Variants in PRKDC observed in about 807,000 individuals in gnomAD.
PRKDC encodes DNA-dependent protein kinase catalytic subunit.
In PRKDC, 82 loss-of-function variants were observed where a neutral mutation model predicts 486.9. The ratio of observed to expected loss-of-function variants is 0.17; its 90% CI spans 0.14 to 0.20. The LOEUF is 0.20. PRKDC is among the 10% of genes least tolerant of loss of function. The pLI is 1.00. For synonymous variants in PRKDC, 1,895 were observed against 1,837.0 expected, an observed-to-expected ratio of 1.03 and a Z score of -0.81; for missense variants, 4,504 against 5,038.2, an observed-to-expected ratio of 0.89 and a Z score of 3.21.
chr8:47,854,153 G>C lies in PRKDC; in HGVS notation c.6823C>G (p.Gln2275Glu), dbSNP rs765893792. The change falls in exon 51 of 86, where the codon CAA becomes GAA. Residue 2275 changes from glutamine to glutamate, a missense_variant. Gln to Glu is a conservative substitution (Grantham distance 29). This residue lies in a region of PRKDC where 1,592 missense variants were observed against 1,724.6 expected (regional missense o/e 0.92). Coordinates refer to ENST00000314191, the MANE Select transcript of PRKDC (RefSeq NM_006904.7). ...PNSKDNSVGIQLLGIVMANDL... is the reference protein window; with the variant it reads ...PNSKDNSVGIELLGIVMANDL... ...TTGGCCATCACGATGCCTAGCAATT[G>C]AATCCCTACTGAGTTGTCTTTAGAA... 3.7e-6 allele frequency: 6 copies of C among 1,613,698 alleles called. No individual in the cohort carries two copies. Among genetic ancestry groups the C allele is most frequent in the Non-Finnish European group, 5.1e-6 (6 of 1,179,600 alleles).
At position 47,849,642 on chromosome 8, in the gene PRKDC, G is replaced by A. The variant is rs1447587722; in HGVS notation, c.7006-139C>T. 6 of 976,066 alleles carry A rather than the reference G, an allele frequency of 6.1e-6. No individual in the cohort carries two copies. The East Asian group carries it at 1.3e-4, about 21-fold the overall frequency. The allele number at this position is 976,066 out of a possible 1,614,324, so 60.5% of individuals were successfully genotyped here. On this transcript the variant is annotated intron_variant, in intron 52 of 85. Coordinates refer to ENST00000314191, the MANE Select transcript of PRKDC (RefSeq NM_006904.7). ...CACCTACAAGGTAGATGATGGGACA[G>A]TAGGTGCTGGGGATGTCTGCTGGTC...
Position 47,900,368 on chromosome 8 carries a change from C to A in PRKDC, c.3364+5G>T, listed in dbSNP as rs771582404. 1 of 1,598,452 alleles carries A rather than the reference C, an allele frequency of 6.3e-7. No individual in the cohort carries two copies. Among genetic ancestry groups the A allele is most frequent in the South Asian group, 1.1e-5 (1 of 87,254 alleles). On this transcript the variant is annotated splice_donor_5th_base_variant and intron_variant, in intron 28 of 85. Coordinates refer to ENST00000314191, the MANE Select transcript of PRKDC (RefSeq NM_006904.7). ...ACGCACACAGAACACTGAAGCAAAA[C>A]GTACCTAAGGACTTCTCATCTGCAT...
intron 61 of PRKDC, among the ~76,000 whole-genome samples, chr8:47,828,563 T>C (rs2087790965): frequency 6.6e-6 from 1 of 152,218 alleles, no homozygotes; most frequent in South Asian, 2.1e-4. Flanking sequence ...CATGGACTTT[T>C]GGCCCAGAGA....
At chr8:47,798,155 A>C in intron 73 of PRKDC, 82 bp downstream of exon 73, 1 of 1,424,014 alleles carries the variant, frequency 7.0e-7, no homozygotes, top group African/African-American at 1.4e-5. Flanking sequence ...TGCACTGCAC[A>C]CACTAACGCG....
At chr8:47,882,141 A>G in intron 36 of PRKDC, 44 bp from the exon 37 acceptor site, 1 of 1,557,194 alleles carries the variant, frequency 6.4e-7, no homozygotes, top group Non-Finnish European at 8.7e-7. Context: ...CTTAATTTTG[A>G]GAATGACAGA....
At chr8:47,788,030 G>A (rs765620689) in intron 76 of PRKDC, among the ~76,000 whole-genome samples, 3 of 152,180 alleles carry the variant, frequency 2.0e-5, no homozygotes, top group Non-Finnish European at 4.4e-5. Flanking sequence ...TGAGAACTCT[G>A]GCAACAAGAG....
intron 74 of PRKDC, 111 bp from the exon 75 acceptor site, chr8:47,789,349 GTA>G (rs1225374903): frequency 2.0e-5 from 6 of 294,186 alleles, no homozygotes; most frequent in African/African-American, 1.1e-4. Context: ...ATAAAATAAT[GTA>G]TGTTATATAT....
intron 74 of PRKDC, among the ~76,000 whole-genome samples, chr8:47,793,652 T>C (rs368323212): frequency 3.3e-5 from 1 of 30,004 alleles, no homozygotes. Context: ...AATAAAGAAA[T>C]AAAAATAAAA....
At chr8:47,936,231 T>G (rs1222938368) in intron 12 of PRKDC, 122 bp downstream of exon 12, 1 of 1,106,412 alleles carries the variant, frequency 9.0e-7, no homozygotes, top group African/African-American at 1.6e-5. Context: ...CACAAAGTAC[T>G]AACTAAAACT....
intron 21 of PRKDC, among the ~76,000 whole-genome samples, chr8:47,925,306 T>C (rs1048476232): frequency 1.3e-5 from 2 of 152,198 alleles, no homozygotes; most frequent in Admixed American, 6.5e-5. Flanking sequence ...AGGCACCAAG[T>C]GTCCTGAAGA....
chr8:47,957,688 G>A (rs938181774), intron 1 of PRKDC, among the ~76,000 whole-genome samples: 1 of 151,320 alleles, frequency 6.6e-6, no homozygotes, highest in Non-Finnish European at 1.5e-5. Flanking sequence ...TTTTTTTTTT[G>A]TATTTTTAGT....
At chr8:47,944,619 T>C (rs987652979) in intron 7 of PRKDC, among the ~76,000 whole-genome samples, 2 of 152,096 alleles carry the variant, frequency 1.3e-5, no homozygotes, top group Non-Finnish European at 2.9e-5. Flanking sequence ...GGCACATAAC[T>C]ATAACATGAG....
At position 47,893,169 on chromosome 8, in the gene PRKDC, C is replaced by A; in HGVS notation, c.3817G>T (p.Glu1273Ter). 1 of 1,612,062 alleles carries A rather than the reference C, an allele frequency of 6.2e-7. No homozygotes were observed. Among genetic ancestry groups the A allele is most frequent in the South Asian group, 1.1e-5 (1 of 90,858 alleles). The change falls in exon 31 of 86, where the codon GAG (glutamate) becomes TAG (stop). Residue 1273 changes from glutamate (E) to a stop codon, truncating the protein, a stop_gained. Coordinates refer to ENST00000314191, the MANE Select transcript of PRKDC (RefSeq NM_006904.7). LOFTEE classifies it high-confidence loss of function. ...ACCTGGAGCGCTCCTACAGTTCTCT[C>A]GCCAATGAACGTGTTGTAGCACTCC... ...ALECYNTFIG[E>*]RTVGALQVLG... is the part of the protein sequence containing the mutation.
chr8:47,807,418 T>C, intron 68 of PRKDC, 92 bp from the exon 69 acceptor site: 1 of 1,169,928 alleles, frequency 8.5e-7, no homozygotes, highest in Admixed American at 2.5e-5. Flanking sequence ...CCTTAGTAAA[T>C]GTTTGTTCTT....
At chr8:47,817,418 T>C (rs1260480533) in intron 68 of PRKDC, 32 bp downstream of exon 68, 4 of 1,409,682 alleles carry the variant, frequency 2.8e-6, no homozygotes, top group East Asian at 4.7e-5. Context: ...CAAAAAACAA[T>C]CCACATTTGA....
At chr8:47,944,129 T>C in intron 7 of PRKDC, 100 bp from the exon 8 acceptor site, 1 of 993,272 alleles carries the variant, frequency 1.0e-6, no homozygotes. Flanking sequence ...ATTAATCTCT[T>C]GTGAATTCAG....
At chr8:47,932,831 T>C (rs1030501495) in intron 16 of PRKDC, among the ~76,000 whole-genome samples, 189 bp downstream of exon 16, 1 of 152,172 alleles carries the variant, frequency 6.6e-6, no homozygotes, top group Non-Finnish European at 1.5e-5. Flanking sequence ...TTTTGAACCA[T>C]CTAGTAACAA....
intron 68 of PRKDC, among the ~76,000 whole-genome samples, chr8:47,811,800 A>C (rs2087331760): frequency 6.6e-6 from 1 of 152,200 alleles, no homozygotes; most frequent in Admixed American, 6.5e-5. Flanking sequence ...AACATGGCGA[A>C]ACCCTGTCTC....
chr8:47,814,141 G>C (rs894202795), intron 68 of PRKDC, among the ~76,000 whole-genome samples: 2 of 152,150 alleles, frequency 1.3e-5, no homozygotes, highest in African/African-American at 4.8e-5. Flanking sequence ...TGATTAAGCT[G>C]TTGCAGAAAA....
Sources: allele counts gnomAD v4.1 joint callset (sites outside exome capture counted in the v4.1 genomes callset), GRCh38; gene constraint gnomAD v4.1.1; regional missense constraint gnomAD v4.1.1; transcripts MANE v1.5; gene names NCBI Gene and HGNC (gene_info 2026-07-23, HGNC 2026-07-21).